Variants in PXDN observed in about 807,000 individuals in gnomAD.
The protein encoded by PXDN is peroxidasin.
Under a neutral mutation model 140.3 loss-of-function variants are expected in PXDN, and 77 were observed. That is an observed-to-expected ratio of 0.55 (90% confidence interval 0.46 to 0.66). The LOEUF (loss-of-function observed/expected upper bound fraction) is 0.66. Among genes scored for constraint, PXDN ranks in the 30% least tolerant of loss-of-function variants. The pLI is 0.00. For synonymous variants in PXDN, 911 were observed against 857.4 expected (o/e 1.06, Z -1.09); for missense variants, 1,838 against 2,039.5 (o/e 0.90, Z 1.90).
rs1276629288 is a variant in PXDN at position 1,658,746 on chromosome 2, T to C, written c.1837+2135A>G. Among the ~76,000 whole-genome samples the C allele has an allele frequency of 6.3e-4, 95 of 149,700 alleles. 1 individual carries two copies. Among genetic ancestry groups the C allele is most frequent in the Non-Finnish European group, 2.2e-4 (15 of 67,498 alleles). On this transcript the variant is annotated intron_variant, in intron 14 of 22. Transcript: ENST00000252804. Reference sequence around the variant, plus strand: ...GACCCCCAGGACTGCCCCAGCCCTGTGCTCCCCACCCCCCGGCATCGGGCT... The same window carrying C: ...GACCCCCAGGACTGCCCCAGCCCTGCGCTCCCCACCCCCCGGCATCGGGCT...
Position 1,644,607 on chromosome 2 carries a change from C to A in PXDN, c.3743+11G>T. On this transcript the variant is annotated intron_variant, in intron 18 of 22. Transcript: ENST00000252804. ...TAGGAGCGTGCTCCCCTTTCTGGTG[C>A]ACGTGCTCACCTGTCCCCATCTCGC... 1.3e-6 allele frequency: 2 copies of A among 1,583,364 alleles called. No homozygotes were observed. Among genetic ancestry groups the A allele is most frequent in the Admixed American group, 3.4e-5 (2 of 58,218 alleles).
chr2:1,663,798 G>A (rs753341391), intron 11 of PXDN, 35 bp from the exon 12 acceptor site: 39 of 1,599,348 alleles, frequency 2.4e-5, no homozygotes, highest in South Asian at 1.2e-4. Context: ...CTGGACACTC[G>A]GACGCATGGA....
intron 1 of PXDN, among the ~76,000 whole-genome samples, chr2:1,727,468 G>C (rs79374911): frequency 0.059 from 9,047 of 152,296 alleles, 345 homozygotes; most frequent in Middle Eastern, 0.092. Context: ...CTACAGATGG[G>C]GAAGCCGAGG....
chr2:1,698,073 C>A (rs1414566441), intron 1 of PXDN, among the ~76,000 whole-genome samples: 1 of 152,166 alleles, frequency 6.6e-6, no homozygotes, highest in Non-Finnish European at 1.5e-5. Flanking sequence ...ACGCCACACC[C>A]CTGCCTGGGT....
At position 1,653,851 on chromosome 2, in the gene PXDN, C is replaced by T. The variant is rs747531948; in HGVS notation, c.1947-66G>A. On this transcript the variant is annotated intron_variant, in intron 15 of 22. Transcript: ENST00000252804. ...ATTACTGAAGATAAAATTCATAGTA[C>T]CCCAAAATATAATCATTGCTATTAA... is the stretch of plus-strand genomic sequence containing the variant. 7.4e-4 allele frequency: 1,047 copies of T among 1,421,724 alleles called. 1 individual carries two copies. Among genetic ancestry groups the T allele is most frequent in the Middle Eastern group, 5.4e-4 (3 of 5,578 alleles). 88.1% of individuals were successfully genotyped at this position (1,421,724 alleles called of 1,614,324 possible). A position where few individuals can be genotyped will look rare whatever the true frequency, so the allele number is the denominator to read the frequency against.
chr2:1,696,770 G>A (rs1243194101), intron 1 of PXDN, among the ~76,000 whole-genome samples: 1 of 152,142 alleles, frequency 6.6e-6, no homozygotes, highest in Non-Finnish European at 1.5e-5. Flanking sequence ...AGCTACATCT[G>A]CACACGTGTT....
At chr2:1,697,682 C>T (rs571361214) in intron 1 of PXDN, among the ~76,000 whole-genome samples, 1 of 152,344 alleles carries the variant, frequency 6.6e-6, no homozygotes, top group South Asian at 2.1e-4. Context: ...CTTGGCTCTT[C>T]CCTGGGGCTC....
chr2:1,710,978 C>T (rs1482549106), intron 1 of PXDN, among the ~76,000 whole-genome samples: 5 of 62,834 alleles, frequency 8.0e-5, no homozygotes, highest in South Asian at 8.5e-4. Context: ...TCCACCAGCA[C>T]CCGCTCCACC....
At chr2:1,646,267 T>C (rs1291008588) in intron 17 of PXDN, 1 of 152,242 alleles carries the variant, frequency 6.6e-6, no homozygotes, top group East Asian at 1.9e-4. Context: ...GGTAACATCC[T>C]TAACTTCTTT....
intron 8 of PXDN, among the ~76,000 whole-genome samples, chr2:1,675,856 G>A (rs568203855): frequency 4.1e-5 from 6 of 145,098 alleles, no homozygotes; most frequent in African/African-American, 1.1e-4. Flanking sequence ...CATCTCAGAC[G>A]CATCCCTCTT....
intron 13 of PXDN, among the ~76,000 whole-genome samples, chr2:1,661,798 G>A (rs1683310740): frequency 1.3e-5 from 2 of 152,214 alleles, no homozygotes; most frequent in Non-Finnish European, 2.9e-5. Context: ...CAAAAAAATG[G>A]AATGCTCCAA....
chr2:1,716,440 GAAAAAAAAAAAAAAA>G (rs550784477), intron 1 of PXDN, among the ~76,000 whole-genome samples: 5,885 of 58,330 alleles, frequency 0.1, 545 homozygotes, highest in African/African-American at 0.32. Flanking sequence ...TCCATCTCAG[GAAAAAAAAAAAAAAA>G]AAAAAAAAAA....
At chr2:1,650,807 C>G (rs1258251162) in intron 16 of PXDN, among the ~76,000 whole-genome samples, 1 of 152,134 alleles carries the variant, frequency 6.6e-6, no homozygotes, top group Non-Finnish European at 1.5e-5. Context: ...CACAGAGTTC[C>G]AAGCCATCAC....
intron 21 of PXDN, among the ~76,000 whole-genome samples, chr2:1,638,488 T>C (rs1682628959): frequency 6.6e-6 from 1 of 152,158 alleles, no homozygotes; most frequent in African/African-American, 2.4e-5. Flanking sequence ...GGAGAGATGA[T>C]TCAGAGTTAT....
In PXDN at chr2:1,678,856, G is replaced by A. The variant is rs569897288; in HGVS notation, c.730+1337C>T. Among the ~76,000 whole-genome samples, 16 of 152,310 alleles carry A rather than the reference G, an allele frequency of 1.1e-4. No individual in the cohort carries two copies. In the South Asian group the frequency reaches 3.1e-3, roughly 30 times the overall value. On this transcript the variant is annotated intron_variant, in intron 7 of 22. Transcript: ENST00000252804. ...GGGTGGGGAAGCAGCGCAGGCAGGC[G>A]GCTGCACAGGGGTCTGGGCCTCTCT...
chr2:1,646,628 A>G (rs1682855853), intron 17 of PXDN, among the ~76,000 whole-genome samples: 1 of 152,222 alleles, frequency 6.6e-6, no homozygotes, highest in Non-Finnish European at 1.5e-5. Flanking sequence ...AATAAATTAC[A>G]AGTAAAAAAT....
intron 1 of PXDN, among the ~76,000 whole-genome samples, chr2:1,741,973 T>C (rs1181872336): frequency 6.6e-6 from 1 of 152,062 alleles, no homozygotes; most frequent in Admixed American, 6.5e-5. Context: ...CTTCCCTCAG[T>C]CCCTGCCTCC....
chr2:1,650,004 G>A (rs899979915), intron 16 of PXDN, among the ~76,000 whole-genome samples: 3 of 152,052 alleles, frequency 2.0e-5, no homozygotes, highest in East Asian at 1.9e-4. Flanking sequence ...CCCGACCCAC[G>A]TTGACCAGTC....
chr2:1,719,480 C>T (rs903543683), intron 1 of PXDN, among the ~76,000 whole-genome samples: 7 of 152,224 alleles, frequency 4.6e-5, no homozygotes, highest in African/African-American at 1.7e-4. Flanking sequence ...AGGCATCGAA[C>T]TCCTCGCCGG....
Sources: allele counts gnomAD v4.1 joint callset (sites outside exome capture counted in the v4.1 genomes callset), GRCh38; gene constraint gnomAD v4.1.1; transcripts MANE v1.5; gene names NCBI Gene and HGNC (gene_info 2026-07-23, HGNC 2026-07-21).